The following AUTS2 variants were observed in gnomAD, a reference collection of about 807,000 sequenced individuals.
AUTS2 encodes the protein autism susceptibility gene 2 protein.
AUTS2 carries 17 observed loss-of-function variants against 112.4 expected under a neutral mutation model. The observed-to-expected ratio is 0.15, with a 90% CI of 0.10 to 0.23. The LOEUF is 0.23. Among genes scored for constraint, AUTS2 ranks in the 10% least tolerant of loss-of-function variants. The probability of loss-of-function intolerance (pLI) is 1.00; values close to 1 mark genes in which losing one functional copy is unlikely to be tolerated. For synonymous variants in AUTS2, 751 were observed against 702.7 expected (o/e 1.07, Z -1.09); for missense variants, 1,510 against 1,701.6 (o/e 0.89, Z 1.98).
chr7:70,321,609 C>CA (rs1194030779), intron 4 of AUTS2, among the ~76,000 whole-genome samples: 6 of 152,058 alleles, frequency 3.9e-5, no homozygotes, highest in Non-Finnish European at 5.9e-5. Flanking sequence ...CTCCCTCCCA[C>CA]AAAAAAACAG....
intron 5 of AUTS2, among the ~76,000 whole-genome samples, chr7:70,503,833 A>T (rs1798861574): frequency 7.0e-6 from 1 of 142,694 alleles, no homozygotes; most frequent in Admixed American, 7.0e-5. Flanking sequence ...AATTGTTTTT[A>T]AAAATAAGGA....
chr7:70,318,912 C>A (rs1014902279), intron 4 of AUTS2, among the ~76,000 whole-genome samples: 4 of 152,124 alleles, frequency 2.6e-5, no homozygotes, highest in African/African-American at 9.7e-5. Flanking sequence ...GCACCGTGCC[C>A]ATTGATGTCA....
At chr7:70,349,678 G>A (rs973207713) in intron 4 of AUTS2, among the ~76,000 whole-genome samples, 3 of 150,718 alleles carry the variant, frequency 2.0e-5, no homozygotes, top group African/African-American at 7.3e-5. Context: ...TTCTTCACAT[G>A]GTGCCTGGTA....
At chr7:70,037,933 C>T (rs1191691347) in intron 2 of AUTS2, among the ~76,000 whole-genome samples, 1 of 151,796 alleles carries the variant, frequency 6.6e-6, no homozygotes, top group Non-Finnish European at 1.5e-5. Flanking sequence ...CTTTCGAGAA[C>T]TTAACCTATA....
chr7:70,151,161 G>A (rs58148320), intron 4 of AUTS2, among the ~76,000 whole-genome samples: 14 of 152,102 alleles, frequency 9.2e-5, no homozygotes, highest in African/African-American at 2.2e-4. Context: ...AGAGTATTAG[G>A]GGGGAGGGGT....
chr7:70,739,003 CTTTTTTTTTTTTTTTTTTTT>C (rs57525224), intron 6 of AUTS2, among the ~76,000 whole-genome samples: 6 of 57,308 alleles, frequency 1.0e-4, no homozygotes, highest in Admixed American at 1.0e-3. Flanking sequence ...GTTTTGAGGC[CTTTTTTTTTTTTTTTTTTTT>C]TTTTTTTTTT....
At chr7:70,159,700 A>G (rs1807975552) in intron 4 of AUTS2, among the ~76,000 whole-genome samples, 1 of 152,224 alleles carries the variant, frequency 6.6e-6, no homozygotes, top group Non-Finnish European at 1.5e-5. Flanking sequence ...TCTTCTAACT[A>G]TACAGACTGT....
chr7:70,255,307 C>T (rs963292632), intron 4 of AUTS2, among the ~76,000 whole-genome samples: 6 of 151,960 alleles, frequency 3.9e-5, no homozygotes, highest in East Asian at 1.9e-4. Context: ...CTCCTGACCT[C>T]GTTATCCGCC....
At position 69,848,362 on chromosome 7, in the gene AUTS2, G is replaced by A. The variant is rs1792306939; in HGVS notation, c.310-50924G>A. Among the ~76,000 whole-genome samples, 6 of 152,198 alleles carry A rather than the reference G, an allele frequency of 3.9e-5. No individual in the cohort carries two copies. In the South Asian group the frequency reaches 1.2e-3, roughly 31 times the overall value. ...AAATCAGCCGCAGCTTGCTTAATAG[G>A]AATATGAGAGCAGAGCACGTTGCTG... On this transcript the variant is annotated intron_variant, in intron 1 of 18. Coordinates refer to ENST00000342771, the MANE Select transcript of AUTS2 (RefSeq NM_015570.4).
intron 1 of AUTS2, among the ~76,000 whole-genome samples, chr7:69,652,674 T>G (rs1180087104): frequency 6.6e-6 from 1 of 152,072 alleles, no homozygotes; most frequent in Non-Finnish European, 1.5e-5. Flanking sequence ...CCTGCAAAGT[T>G]TTACAAACAC....
chr7:70,403,594 T>A (rs1794413998), intron 4 of AUTS2, among the ~76,000 whole-genome samples: 1 of 152,254 alleles, frequency 6.6e-6, no homozygotes, highest in Non-Finnish European at 1.5e-5. Context: ...TGGGATTTCA[T>A]GGCTCCTGTC....
intron 5 of AUTS2, among the ~76,000 whole-genome samples, chr7:70,534,100 T>C (rs1445249986): frequency 6.6e-6 from 1 of 152,240 alleles, no homozygotes; most frequent in East Asian, 1.9e-4. Flanking sequence ...GAGGTCGCTC[T>C]GGTATTGCCT....
At chr7:70,107,914 G>C (rs2129570775) in intron 2 of AUTS2, among the ~76,000 whole-genome samples, 1 of 151,768 alleles carries the variant, frequency 6.6e-6, no homozygotes, top group East Asian at 2.0e-4. Flanking sequence ...CGGAGGCTGA[G>C]GCAGGAGAAT....
intron 5 of AUTS2, among the ~76,000 whole-genome samples, chr7:70,454,816 A>C (rs1796669628): frequency 6.6e-6 from 1 of 152,192 alleles, no homozygotes; most frequent in Admixed American, 6.5e-5. Context: ...TGTGCAAAGC[A>C]CACTACTGGA....
At chr7:70,159,738 A>C (rs1220883961) in intron 4 of AUTS2, among the ~76,000 whole-genome samples, 1 of 152,198 alleles carries the variant, frequency 6.6e-6, no homozygotes, top group African/African-American at 2.4e-5. Context: ...ATAGTTTATG[A>C]ATTGTCAAAC....
At chr7:70,114,782 C>T (rs924554740) in intron 2 of AUTS2, among the ~76,000 whole-genome samples, 91 of 149,870 alleles carry the variant, frequency 6.1e-4, no homozygotes, top group African/African-American at 2.2e-3. Context: ...GCCTGGGCAA[C>T]AAGAGCAAAA....
At chr7:70,543,437 G>A (rs1197008366) in intron 5 of AUTS2, among the ~76,000 whole-genome samples, 2 of 151,702 alleles carry the variant, frequency 1.3e-5, no homozygotes, top group East Asian at 1.9e-4. Flanking sequence ...GCTGAGGCAC[G>A]AGAATCGCTT....
At chr7:70,006,266 T>C (rs1313181527) in intron 2 of AUTS2, among the ~76,000 whole-genome samples, 2 of 152,196 alleles carry the variant, frequency 1.3e-5, no homozygotes, top group Non-Finnish European at 2.9e-5. Flanking sequence ...TGTGATGCTA[T>C]TTTCCTTCCG....
chr7:70,779,240 T>A (rs1235699549), intron 14 of AUTS2, among the ~76,000 whole-genome samples: 2 of 152,218 alleles, frequency 1.3e-5, no homozygotes, highest in African/African-American at 4.8e-5. Flanking sequence ...GGACTTTCAT[T>A]ATAGCATTCC....
Sources: gnomAD v4.1 joint callset for allele counts (sites outside exome capture counted in the v4.1 genomes callset) on GRCh38, gnomAD v4.1.1 for gene constraint, MANE v1.5 for transcripts, NCBI Gene and HGNC (gene_info 2026-07-23, HGNC 2026-07-21) for gene names.